The following KCND1 variants were observed in gnomAD, a reference collection of about 807,000 sequenced individuals.
The protein encoded by KCND1 is potassium voltage-gated channel subfamily D member 1.
In KCND1, 11 loss-of-function variants were observed where a neutral mutation model predicts 31.8. The observed-to-expected ratio is 0.35, with a 90% CI of 0.22 to 0.57. KCND1 has a LOEUF of 0.57. Among genes scored for constraint, KCND1 ranks in the 20% least tolerant of loss-of-function variants. KCND1 has a pLI of 0.85. For missense variants in KCND1, 471 were observed against 596.8 expected (o/e 0.79, Z 2.20); for synonymous variants, 234 against 248.1 (o/e 0.94, Z 0.53).
intron 4 of KCND1, 55 bp from the exon 5 acceptor site, chrX:48,966,360 C>T: frequency 8.7e-7 from 1 of 1,146,908 alleles, no homozygotes; most frequent in Non-Finnish European, 1.2e-6. Flanking sequence ...CTGATCCCAC[C>T]CTCAAGCCTT....
In KCND1 at chrX:48,962,823, A is replaced by T. The variant is rs781957138; in HGVS notation, c.1719-17T>A. On this transcript the variant is annotated splice_polypyrimidine_tract_variant and intron_variant, in intron 5 of 5. Coordinates refer to ENST00000218176, the MANE Select transcript of KCND1 (RefSeq NM_004979.6). Reference sequence around the variant, plus strand: ...CTGGAACGGCTGTGGACAAGGGTGGAGAAGATGGAAGGCTCTTAAAAAGTT... The same window carrying T: ...CTGGAACGGCTGTGGACAAGGGTGGTGAAGATGGAAGGCTCTTAAAAAGTT... The T allele has an allele frequency of 3.4e-6, 4 of 1,174,442 alleles. No homozygotes were observed. In the South Asian group the frequency reaches 5.4e-5, roughly 16 times the overall value.
chrX:48,962,633 C>A lies in KCND1; in HGVS notation c.1892G>T (p.Ser631Ile). 2 of 1,210,144 alleles carry A rather than the reference C, an allele frequency of 1.7e-6. No homozygotes were observed. Among genetic ancestry groups the A allele is most frequent in the Non-Finnish European group, 2.2e-6 (2 of 894,779 alleles). Reference sequence around the variant, plus strand: ...GGGGAAGAGGCAAGGGGTACCCAGGCTGGAGTTCCTGAGGGTGCTGCCGGC... The same window carrying A: ...GGGGAAGAGGCAAGGGGTACCCAGGATGGAGTTCCTGAGGGTGCTGCCGGC... ...GRAGSTLRNS[S>I]LGTPCLFPET... The change falls in exon 6 of 6, where the codon AGC becomes ATC. Residue 631 changes from serine (S) to isoleucine (I), a missense_variant. Coordinates refer to ENST00000218176, the MANE Select transcript of KCND1 (RefSeq NM_004979.6).
rs1368313419 is a variant in KCND1 at position 48,971,484 on chromosome X, C to T, written c.-1213G>A. The T allele has an allele frequency of 2.7e-5, 3 of 111,302 alleles. No homozygotes were observed. Among genetic ancestry groups the T allele is most frequent in the Non-Finnish European group, 3.8e-5 (2 of 53,102 alleles). 9.2% of individuals were successfully genotyped at this position (111,302 alleles called of 1,213,427 possible). ...GGGAAACCACACCCCGAGGGGCTGG[C>T]GGTGTGTACTGGGCAGTGGCAGTAG... is the stretch of plus-strand genomic sequence containing the variant. On this transcript the variant is annotated 5_prime_UTR_variant, in exon 1 of 6. Coordinates refer to ENST00000218176, the MANE Select transcript of KCND1 (RefSeq NM_004979.6).
At position 48,966,315 on chromosome X, in the gene KCND1, G is replaced by A; in HGVS notation, c.1468-10C>T. ...CTGTGAACTCATGGCACTATGGGCA[G>A]AAGGGAGGCAGGGTCACGGGGCATC... On this transcript the variant is annotated splice_polypyrimidine_tract_variant and intron_variant, in intron 4 of 5. Coordinates refer to ENST00000218176, the MANE Select transcript of KCND1 (RefSeq NM_004979.6). 4 of 1,175,415 alleles carry A rather than the reference G, an allele frequency of 3.4e-6. No homozygotes were observed. Among genetic ancestry groups the A allele is most frequent in the Non-Finnish European group, 4.6e-6 (4 of 876,945 alleles).
intron 5 of KCND1, among the ~76,000 whole-genome samples, chrX:48,964,337 C>T (rs1330307703): frequency 4.5e-5 from 5 of 110,446 alleles, no homozygotes; most frequent in African/African-American, 1.6e-4. Context: ...GCCAACATGG[C>T]GAAACCCTGT....
At chrX:48,962,959 A>G (rs1232699582) in intron 5 of KCND1, among the ~76,000 whole-genome samples, 153 bp from the exon 6 acceptor site, 2 of 108,456 alleles carry the variant, frequency 1.8e-5, no homozygotes, top group Non-Finnish European at 3.8e-5. Context: ...CAACATGATG[A>G]AACCCCGTCT....
In KCND1 at chrX:48,969,424, T is replaced by C; in HGVS notation, c.848A>G (p.Lys283Arg). Residue 283 changes from lysine (K) to arginine (R), a missense_variant, in exon 1 of 6, where the codon AAG becomes AGG. Physicochemically the swap from Lys to Arg is conservative, Grantham distance 26. This residue lies in a region of KCND1 where 74 missense variants were observed against 154.2 expected (regional missense o/e 0.48). Transcript: ENST00000218176. ...AAAGGCGCCAGAGACATCGTCGTTC[T>C]TGGGCACCAAAAGCCCAATGTAGTA... ...LPYYIGLLVPKNDDVSGAFVT... is the reference protein window; with the variant it reads ...LPYYIGLLVPRNDDVSGAFVT... The C allele has an allele frequency of 8.3e-7, 1 of 1,211,303 alleles. No homozygotes were observed. Among genetic ancestry groups the C allele is most frequent in the South Asian group, 1.8e-5 (1 of 56,825 alleles).
At chrX:48,964,584 G>A (rs1298649868) in intron 5 of KCND1, among the ~76,000 whole-genome samples, 1 of 109,370 alleles carries the variant, frequency 9.1e-6, no homozygotes, top group Non-Finnish European at 1.9e-5. Context: ...GGGTATGGTG[G>A]CGGACACCTG....
chrX:48,966,544 C>T (rs1557058042), intron 4 of KCND1, 34 bp downstream of exon 4: 1 of 1,158,247 alleles, frequency 8.6e-7, no homozygotes, highest in Non-Finnish European at 1.2e-6. Flanking sequence ...GGGACCCCCT[C>T]TATTCTGCTA....
chrX:48,962,859 G>A (rs782241474), intron 5 of KCND1, 53 bp from the exon 6 acceptor site: 19 of 1,030,634 alleles, frequency 1.8e-5, no homozygotes, highest in Admixed American at 5.0e-5. Flanking sequence ...ATCTTAGGCC[G>A]GGTGCGGTGG....
In KCND1 at chrX:48,969,144, C is replaced by T; in HGVS notation, c.1121+7G>A. Reference sequence around the variant, plus strand: ...CGGGCAGCCCCCAACGCAGAGTCCACACTCACCCAAGCGTGGTCATGGTGA... The same window carrying T: ...CGGGCAGCCCCCAACGCAGAGTCCATACTCACCCAAGCGTGGTCATGGTGA... On this transcript the variant is annotated splice_region_variant and intron_variant, in intron 1 of 5. Coordinates refer to ENST00000218176, the MANE Select transcript of KCND1 (RefSeq NM_004979.6). 1 of 1,207,283 alleles carries T rather than the reference C, an allele frequency of 8.3e-7. No individual in the cohort carries two copies. The highest frequency in any genetic ancestry group is 1.1e-6 in the Non-Finnish European group (1 of 893,494).
rs1557057915 is a variant in KCND1 at position 48,966,085 on chromosome X, G to A, written c.1688C>T (p.Ala563Val). Residue 563 changes from alanine (A) to valine (V), a missense_variant, in exon 5 of 6, where the codon GCA becomes GTA. Physicochemically the swap from Ala to Val is moderately conservative, Grantham distance 64 (BLOSUM62 0). Around this residue, in one of 3 missense-constraint regions of KCND1, gnomAD observed 185 missense variants for 184.7 expected, o/e 1.00. Transcript: ENST00000218176. ...AGGGGCATGGCTCCTGCGCAGCCCT[G>A]CCAGCATGTCCAGCTCCTGCATGCT... ...RGSMQELDML[A>V]GLRRSHAPQS... 8.3e-7 allele frequency: 1 copy of A among 1,210,620 alleles called. No individual in the cohort carries two copies. The highest frequency in any genetic ancestry group is 1.1e-6 in the Non-Finnish European group (1 of 895,332).
At chrX:48,965,297 C>T (rs1307548578) in intron 5 of KCND1, among the ~76,000 whole-genome samples, 1 of 111,213 alleles carries the variant, frequency 9.0e-6, no homozygotes, top group Non-Finnish European at 1.9e-5. Context: ...GTTATCCACT[C>T]GCCTTGGCCT....
chrX:48,966,020 C>A (rs1569518421), intron 5 of KCND1, 35 bp downstream of exon 5: 1 of 1,196,331 alleles, frequency 8.4e-7, no homozygotes, highest in Non-Finnish European at 1.1e-6. Context: ...TCTGAGCTTC[C>A]CCAGGTGTGG....
chrX:48,965,873 CAA>C (rs782299779), intron 5 of KCND1, among the ~76,000 whole-genome samples, 180 bp downstream of exon 5: 10 of 54,184 alleles, frequency 1.8e-4, no homozygotes, highest in Non-Finnish European at 1.4e-4. Context: ...GACTCCGTCT[CAA>C]AAAAAAAAAA....
rs781880490 is a variant in KCND1 at position 48,970,340 on chromosome X, A to G, written c.-69T>C. On this transcript the variant is annotated 5_prime_UTR_variant, in exon 1 of 6. Coordinates refer to ENST00000218176, the MANE Select transcript of KCND1 (RefSeq NM_004979.6). The stretch of plus-strand genomic sequence containing the variant: ...TTAGGAGAATGTGGCTGTCTCCAGG[A>G]TGGTGGGGGCTTGGAGACACCTTGA... 1.8e-3 allele frequency: 1,923 copies of G among 1,045,475 alleles called. 3 individuals carry two copies. The highest frequency in any genetic ancestry group is 2.3e-3 in the Non-Finnish European group (1,813 of 784,205). The allele number at this position is 1,045,475 out of a possible 1,213,427, so 86.2% of individuals were successfully genotyped here.
chrX:48,961,490 G>A lies in KCND1; in HGVS notation c.*1091C>T, dbSNP rs3027484. 8.0e-5 allele frequency: 9 copies of A among 112,708 alleles called. No individual in the cohort carries two copies. Among genetic ancestry groups the A allele is most frequent in the African/African-American group, 2.9e-4 (9 of 30,992 alleles). 9.3% of individuals were successfully genotyped at this position (112,708 alleles called of 1,213,427 possible). Reference sequence around the variant, plus strand: ...GAACCTGAGATGATGCCAGATTTCAGCCTGAGAGCAGAGTTTTGGAAGGTC... The same window carrying A: ...GAACCTGAGATGATGCCAGATTTCAACCTGAGAGCAGAGTTTTGGAAGGTC... On this transcript the variant is annotated 3_prime_UTR_variant, in exon 6 of 6. Transcript: ENST00000218176.
intron 2 of KCND1, 22 bp from the exon 3 acceptor site, chrX:48,966,866 G>A (rs1557058114): frequency 8.3e-7 from 1 of 1,198,530 alleles, no homozygotes; most frequent in African/African-American, 1.8e-5. Context: ...GGAGATAAAA[G>A]GTCAGGTGGG....
intron 5 of KCND1, 81 bp downstream of exon 5, chrX:48,965,974 C>T: frequency 9.2e-7 from 1 of 1,091,342 alleles, no homozygotes; most frequent in East Asian, 3.0e-5. Flanking sequence ...CTTGCTAGGC[C>T]TGGAGTTATG....
Sources: gnomAD v4.1 joint callset for allele counts (sites outside exome capture counted in the v4.1 genomes callset) on GRCh38, gnomAD v4.1.1 for gene constraint, gnomAD v4.1.1 regional missense constraint, MANE v1.5 for transcripts, NCBI Gene and HGNC (gene_info 2026-07-23, HGNC 2026-07-21) for gene names.